PSMD3: variants seen among roughly 807,000 people sequenced by gnomAD.
PSMD3 encodes 26S proteasome non-ATPase regulatory subunit 3.
Under a neutral mutation model 62.8 loss-of-function variants are expected in PSMD3, and 5 were observed. The ratio of observed to expected loss-of-function variants is 0.08; its 90% CI spans 0.04 to 0.17. The LOEUF (loss-of-function observed/expected upper bound fraction) is 0.17. Among genes scored for constraint, PSMD3 ranks in the 10% least tolerant of loss-of-function variants. The probability of loss-of-function intolerance (pLI) is 1.00; values close to 1 mark genes in which losing one functional copy is unlikely to be tolerated. For synonymous variants in PSMD3, 265 were observed against 283.9 expected, an observed-to-expected ratio of 0.93 and a Z score of 0.67; for missense variants, 524 against 713.6, an observed-to-expected ratio of 0.73 and a Z score of 3.03.
At chr17:39,990,952 G>A (rs936078766) in intron 6 of PSMD3, among the ~76,000 whole-genome samples, 1 of 152,068 alleles carries the variant, frequency 6.6e-6, no homozygotes, top group Admixed American at 6.6e-5. Context: ...AGGAAGGGAG[G>A]ATAATAAGTG....
chr17:39,991,153 GT>G (rs1024616319), intron 6 of PSMD3, among the ~76,000 whole-genome samples: 1 of 151,430 alleles, frequency 6.6e-6, no homozygotes, highest in African/African-American at 2.4e-5. Context: ...TTTTTTGTTT[GT>G]TTTTTTGGTT....
intron 1 of PSMD3, among the ~76,000 whole-genome samples, chr17:39,983,981 C>G (rs11078929): frequency 0.86 from 130,980 of 152,000 alleles, 56,555 homozygotes; most frequent in African/African-American, 0.92. Context: ...GGGCAGATCA[C>G]GAGGTCAGGA....
intron 4 of PSMD3, 68 bp from the exon 5 acceptor site, chr17:39,989,671 C>A (rs1036264239): frequency 1.4e-6 from 2 of 1,420,096 alleles, no homozygotes; most frequent in Admixed American, 2.0e-5. Flanking sequence ...TGAGAAAGAG[C>A]GAAGAGTTAA....
Position 39,994,946 on chromosome 17 carries a change from C to T in PSMD3, c.982-8C>T. 2 of 1,613,346 alleles carry T rather than the reference C, an allele frequency of 1.2e-6. No individual in the cohort carries two copies. Among genetic ancestry groups the T allele is most frequent in the South Asian group, 1.1e-5 (1 of 91,054 alleles). ...CTGCCCACTGTGTTCCCCTGTCACT[C>T]TGTCCAGGTGCACAAGCTTCTCATC... On this transcript the variant is annotated splice_region_variant and splice_polypyrimidine_tract_variant and intron_variant, in intron 6 of 11. Coordinates refer to ENST00000264639, the MANE Select transcript of PSMD3 (RefSeq NM_002809.4).
chr17:39,988,992 C>T (rs1203286704), intron 4 of PSMD3, among the ~76,000 whole-genome samples, 173 bp downstream of exon 4: 2 of 152,090 alleles, frequency 1.3e-5, no homozygotes, highest in African/African-American at 2.4e-5. Context: ...GAGACTGGTG[C>T]TAGATGAAGA....
Position 39,989,942 on chromosome 17 carries a change from GC to G in PSMD3, c.877+16del. 6.2e-7 allele frequency: 1 copy of G among 1,605,462 alleles called. No homozygotes were observed. The highest frequency in any genetic ancestry group is 8.5e-7 in the Non-Finnish European group (1 of 1,173,104). ...CTCTACTACACAGGTGAGCAGAGGG[GC>G]CCAACCCATAAATCAGAAGGTGTCT... On this transcript the variant is annotated intron_variant, in intron 5 of 11. Coordinates refer to ENST00000264639, the MANE Select transcript of PSMD3 (RefSeq NM_002809.4).
In PSMD3 at chr17:39,996,120, C is replaced by CAAAA; in HGVS notation, c.1321-51_1321-48dup. On this transcript the variant is annotated intron_variant, in intron 9 of 11. Transcript: ENST00000264639. The surrounding 1 kb of genome is among the most constrained non-coding windows in gnomAD (Gnocchi z 5.1). ...TGGGTGACAGAGCGAGACTCCATCT[C>CAAAA]AAAAAAAAAAAAAAAGAAGAAGCTG... 2.7e-6 allele frequency: 4 copies of CAAAA among 1,457,036 alleles called. No individual in the cohort carries two copies. The highest frequency in any genetic ancestry group is 1.9e-5 in the Admixed American group (1 of 52,044). 90.3% of individuals were successfully genotyped at this position (1,457,036 alleles called of 1,614,324 possible).
At position 39,989,601 on chromosome 17, in the gene PSMD3, A is replaced by C. The variant is rs1184969088; in HGVS notation, c.687-138A>C. Reference sequence around the variant, plus strand: ...TAGTGCTGTACACCTTAGGCACTCGATAGTTAACAGTATTCAGCAAATAAC... The same window carrying C: ...TAGTGCTGTACACCTTAGGCACTCGCTAGTTAACAGTATTCAGCAAATAAC... On this transcript the variant is annotated intron_variant, in intron 4 of 11. Transcript: ENST00000264639. 4 of 829,868 alleles carry C rather than the reference A, an allele frequency of 4.8e-6. No individual in the cohort carries two copies. In the African/African-American group the frequency reaches 6.8e-5, roughly 14 times the overall value. 51.4% of individuals were successfully genotyped at this position (829,868 alleles called of 1,614,324 possible).
At chr17:39,988,100 C>T (rs777944112) in intron 3 of PSMD3, among the ~76,000 whole-genome samples, 2 of 113,040 alleles carry the variant, frequency 1.8e-5, no homozygotes, top group Admixed American at 9.0e-5. Flanking sequence ...AGCGAGACTC[C>T]GTCAAACAAA....
In PSMD3 at chr17:39,997,577, C is replaced by T. The variant is rs867037338; in HGVS notation, c.1601C>T (p.Pro534Leu). 1.0e-5 allele frequency: 16 copies of T among 1,566,476 alleles called. No individual in the cohort carries two copies. Among genetic ancestry groups the T allele is most frequent in the Non-Finnish European group, 1.4e-5 (16 of 1,145,474 alleles). The change falls in exon 12 of 12, where the codon CCT (proline) becomes CTT (leucine). Residue 534 changes from proline to leucine, a missense_variant. Physicochemically the swap from Pro to Leu is moderately conservative, Grantham distance 98 (BLOSUM62 -3). Transcript: ENST00000264639. ...GCAGAAGATGATGATGACAGCTTCC[C>T]TTGAGCTGGGGGGCTGGGGAGGGGT... ...EMAEDDDDSF[P>L]
At position 39,981,186 on chromosome 17, in the gene PSMD3, G is replaced by A; in HGVS notation, c.216G>A (p.Leu72=). Residue 72 remains leucine (L), a synonymous_variant, in exon 1 of 12, where the codon TTG becomes TTA. Coordinates refer to ENST00000264639, the MANE Select transcript of PSMD3 (RefSeq NM_002809.4). ...HSQRELDTVT[L]EDIKEHVKQL... is the part of the protein sequence containing the mutation. ...AGCGAGAGCTGGACACAGTCACCTT[G>A]GAGGGTACGGCAGCCCAGGCCGGGA... The A allele has an allele frequency of 2.6e-6, 4 of 1,550,532 alleles. No homozygotes were observed. Among genetic ancestry groups the A allele is most frequent in the Non-Finnish European group, 3.5e-6 (4 of 1,146,778 alleles).
chr17:39,980,893 C>T lies in PSMD3; in HGVS notation c.-78C>T, dbSNP rs982823620. ...CTCGCGCTCGTGTGCAGGCCCGGCT[C>T]GGCTCCTGGTCCCCGGTGCGAGGGT... On this transcript the variant is annotated 5_prime_UTR_variant, in exon 1 of 12. Coordinates refer to ENST00000264639, the MANE Select transcript of PSMD3 (RefSeq NM_002809.4). The T allele has an allele frequency of 4.6e-6, 6 of 1,299,564 alleles. No homozygotes were observed. The African/African-American group carries it at 7.7e-5, about 17-fold the overall frequency. 80.5% of individuals were successfully genotyped at this position (1,299,564 alleles called of 1,614,324 possible). A position where few individuals can be genotyped will look rare whatever the true frequency, so the allele number is the denominator to read the frequency against.
At position 39,995,636 on chromosome 17, in the gene PSMD3, C is replaced by T; in HGVS notation, c.1320+109C>T. Reference sequence around the variant, plus strand: ...AGGAGGGGAATAGGTAAAGCAATGGCATAGTCATTTCAGGGCGTGCCCGTC... The same window carrying T: ...AGGAGGGGAATAGGTAAAGCAATGGTATAGTCATTTCAGGGCGTGCCCGTC... On this transcript the variant is annotated intron_variant, in intron 9 of 11. Transcript: ENST00000264639. The surrounding 1 kb of genome is among the most constrained non-coding windows in gnomAD (Gnocchi z 4.1). 9.2e-7 allele frequency: 1 copy of T among 1,083,566 alleles called. No individual in the cohort carries two copies. Among genetic ancestry groups the T allele is most frequent in the South Asian group, 1.4e-5 (1 of 73,364 alleles). The allele number at this position is 1,083,566 out of a possible 1,614,324, so 67.1% of individuals were successfully genotyped here. A position where few individuals can be genotyped will look rare whatever the true frequency, so the allele number is the denominator to read the frequency against.
At chr17:39,987,441 G>A (rs563330067) in intron 3 of PSMD3, among the ~76,000 whole-genome samples, 26 of 152,276 alleles carry the variant, frequency 1.7e-4, no homozygotes, top group Admixed American at 7.8e-4. Context: ...TGACCTCCCC[G>A]GCTTAAGTGA....
intron 4 of PSMD3, among the ~76,000 whole-genome samples, chr17:39,989,046 C>T (rs1375963379): frequency 1.3e-5 from 2 of 152,176 alleles, no homozygotes; most frequent in Non-Finnish European, 2.9e-5. Flanking sequence ...CCAGGTTCTT[C>T]CCTTCACCCC....
chr17:39,995,498 C>T lies in PSMD3; in HGVS notation c.1291C>T (p.Pro431Ser), dbSNP rs1980761437. The T allele has an allele frequency of 1.9e-6, 3 of 1,613,846 alleles. No homozygotes were observed. The highest frequency in any genetic ancestry group is 2.5e-6 in the Non-Finnish European group (3 of 1,179,880). ...DIAQKLQLDSPEDAEFIVAKA... is the reference protein window; with the variant it reads ...DIAQKLQLDSSEDAEFIVAKA... ...CGCCCAGAAGCTGCAGTTGGATAGC[C>T]CCGAAGATGCAGAGTTCATTGTTGC... Residue 431 changes from proline to serine, a missense_variant, in exon 9 of 12, where the codon CCC becomes TCC. By Grantham distance (74) the Pro-to-Ser change is moderately conservative. Coordinates refer to ENST00000264639, the MANE Select transcript of PSMD3 (RefSeq NM_002809.4). This position sits in a 1 kb window ranked among gnomAD's most constrained non-coding sequence, Gnocchi z 4.1.
Position 39,996,440 on chromosome 17 carries a change from T to C in PSMD3, c.1476+102T>C. ...AGACTGGCTTAATTTGTGGCCCACG[T>C]CCCAGCCAATCTCTGTAAAATCACT... On this transcript the variant is annotated intron_variant, in intron 10 of 11. Coordinates refer to ENST00000264639, the MANE Select transcript of PSMD3 (RefSeq NM_002809.4). This position sits in a 1 kb window ranked among gnomAD's most constrained non-coding sequence, Gnocchi z 5.1. The C allele has an allele frequency of 2.8e-6, 4 of 1,427,348 alleles. No individual in the cohort carries two copies. The highest frequency in any genetic ancestry group is 1.4e-5 in the African/African-American group (1 of 70,316). The allele number at this position is 1,427,348 out of a possible 1,614,324, so 88.4% of individuals were successfully genotyped here.
intron 1 of PSMD3, among the ~76,000 whole-genome samples, chr17:39,981,434 C>T (rs1203782377): frequency 1.3e-5 from 2 of 152,224 alleles, no homozygotes; most frequent in African/African-American, 2.4e-5. Context: ...GCATCTATAT[C>T]TAGGTCCCAG....
chr17:39,992,024 C>CAAAA (rs59894264), intron 6 of PSMD3, among the ~76,000 whole-genome samples: 4 of 102,066 alleles, frequency 3.9e-5, no homozygotes, highest in East Asian at 3.6e-4. Context: ...GACTCTGTCT[C>CAAAA]AAAAAAAAAC....
Sources: gnomAD v4.1 joint callset for allele counts (sites outside exome capture counted in the v4.1 genomes callset) on GRCh38, gnomAD v4.1.1 for gene constraint, Gnocchi (gnomAD v3.1) non-coding constraint, MANE v1.5 for transcripts, NCBI Gene and HGNC (gene_info 2026-07-23, HGNC 2026-07-21) for gene names.